TRAPPC9: variants seen among roughly 807,000 people sequenced by gnomAD.
The protein encoded by TRAPPC9 is IKK2 binding protein.
Under a neutral mutation model 124.0 loss-of-function variants are expected in TRAPPC9, and 83 were observed. That is an observed-to-expected ratio of 0.67 (90% CI 0.56 to 0.80). TRAPPC9 has a LOEUF of 0.80. TRAPPC9 is among the 30% of genes least tolerant of loss of function. The pLI is 0.00. For synonymous variants in TRAPPC9, 638 were observed against 617.5 expected, an observed-to-expected ratio of 1.03 and a Z score of -0.49; for missense variants, 1,302 against 1,508.3, an observed-to-expected ratio of 0.86 and a Z score of 2.27.
At chr8:139,743,334 G>A (rs534394010) in intron 21 of TRAPPC9, among the ~76,000 whole-genome samples, 2 of 152,302 alleles carry the variant, frequency 1.3e-5, no homozygotes, top group Admixed American at 1.3e-4. Flanking sequence ...TTTTGCGCTG[G>A]CGAGAAACAG....
At chr8:140,436,780 A>G (rs2070829375) in intron 3 of TRAPPC9, among the ~76,000 whole-genome samples, 1 of 152,220 alleles carries the variant, frequency 6.6e-6, no homozygotes, top group Admixed American at 6.5e-5. Flanking sequence ...AATTGATACA[A>G]TAAGGAGTAC....
chr8:140,009,995 CA>C (rs1168373625), intron 18 of TRAPPC9, among the ~76,000 whole-genome samples: 1 of 152,190 alleles, frequency 6.6e-6, no homozygotes, highest in Non-Finnish European at 1.5e-5. Flanking sequence ...TCCATTGATG[CA>C]AACTTCACTG....
intron 17 of TRAPPC9, among the ~76,000 whole-genome samples, chr8:140,154,929 G>A (rs575080173): frequency 2.6e-5 from 4 of 152,186 alleles, no homozygotes; most frequent in East Asian, 1.9e-4. Flanking sequence ...TCCCTCCTGC[G>A]GGCTCCACTG....
At chr8:139,747,384 G>A (rs1434610675) in intron 21 of TRAPPC9, among the ~76,000 whole-genome samples, 1 of 151,918 alleles carries the variant, frequency 6.6e-6, no homozygotes, top group Non-Finnish European at 1.5e-5. Context: ...AGGAGTACAG[G>A]AGGGTCAGAG....
chr8:140,320,524 A>G (rs1458121075), intron 9 of TRAPPC9, among the ~76,000 whole-genome samples: 1 of 152,142 alleles, frequency 6.6e-6, no homozygotes, highest in Non-Finnish European at 1.5e-5. Flanking sequence ...GCAGACGGGA[A>G]CTCAGGCTCT....
chr8:140,329,416 G>A (rs2066835182), intron 9 of TRAPPC9, among the ~76,000 whole-genome samples: 1 of 152,162 alleles, frequency 6.6e-6, no homozygotes. Context: ...ACAAAGCGAT[G>A]GCTCGTCTCC....
chr8:140,174,043 GA>G (rs1449632157), intron 17 of TRAPPC9, among the ~76,000 whole-genome samples: 1 of 152,200 alleles, frequency 6.6e-6, no homozygotes, highest in Non-Finnish European at 1.5e-5. Context: ...TCATTATTCA[GA>G]AGACATGAGT....
intron 19 of TRAPPC9, among the ~76,000 whole-genome samples, chr8:139,926,610 A>AAT (rs1554674022): frequency 5.3e-5 from 8 of 151,502 alleles, no homozygotes; most frequent in East Asian, 3.9e-4. Context: ...ATTAAAATAA[A>AAT]AAAAAAAAAA....
At chr8:140,228,615 G>T (rs923641793) in intron 16 of TRAPPC9, among the ~76,000 whole-genome samples, 1 of 152,230 alleles carries the variant, frequency 6.6e-6, no homozygotes, top group African/African-American at 2.4e-5. Flanking sequence ...AGTGGGACCA[G>T]ACGTAAAGTC....
intron 21 of TRAPPC9, among the ~76,000 whole-genome samples, chr8:139,879,589 C>A (rs1200802855): frequency 1.3e-5 from 2 of 152,204 alleles, no homozygotes. Context: ...CTCCCCTCCT[C>A]CCAAATGCCC....
chr8:139,856,383 A>G (rs978352111), intron 21 of TRAPPC9, among the ~76,000 whole-genome samples: 1 of 152,104 alleles, frequency 6.6e-6, no homozygotes, highest in African/African-American at 2.4e-5. Context: ...CCAGAAAGCA[A>G]GACCTCAGAC....
intron 5 of TRAPPC9, among the ~76,000 whole-genome samples, chr8:140,411,137 G>C (rs2069693369): frequency 6.6e-6 from 1 of 152,040 alleles, no homozygotes; most frequent in Non-Finnish European, 1.5e-5. Flanking sequence ...CTAGGTACGG[G>C]TTTTGTTAGT....
Position 140,252,956 on chromosome 8 carries a change from AG to A in TRAPPC9, c.2279-28del, listed in dbSNP as rs1563884680. 5.6e-6 allele frequency: 9 copies of A among 1,612,132 alleles called. No homozygotes were observed. Among genetic ancestry groups the A allele is most frequent in the Non-Finnish European group, 7.6e-6 (9 of 1,179,196 alleles). On this transcript the variant is annotated intron_variant, in intron 15 of 22. Coordinates refer to ENST00000438773, the MANE Select transcript of TRAPPC9 (RefSeq NM_001160372.4). The surrounding 1 kb of genome is among the most constrained non-coding windows in gnomAD (Gnocchi z 4.2). ...TGTAATAATAACAATGACAGTGATG[AG>A]GATGCTGTAACTGAGGCAGTATGGG... is the stretch of plus-strand genomic sequence containing the variant.
intron 16 of TRAPPC9, among the ~76,000 whole-genome samples, chr8:140,251,493 TA>T (rs1228241939): frequency 6.6e-6 from 1 of 152,230 alleles, no homozygotes; most frequent in Non-Finnish European, 1.5e-5. Flanking sequence ...GTTAATAATA[TA>T]AAAAGAATAT....
chr8:140,215,479 C>T (rs2063169504), intron 17 of TRAPPC9, among the ~76,000 whole-genome samples: 1 of 151,762 alleles, frequency 6.6e-6, no homozygotes, highest in East Asian at 1.9e-4. Context: ...CCCATCTCTA[C>T]TAAAATACAA....
At chr8:140,164,783 C>T (rs562318429) in intron 17 of TRAPPC9, among the ~76,000 whole-genome samples, 6 of 152,292 alleles carry the variant, frequency 3.9e-5, no homozygotes, top group South Asian at 4.1e-4. Flanking sequence ...AAATCCACCC[C>T]GCCATGTCCT....
intron 19 of TRAPPC9, among the ~76,000 whole-genome samples, chr8:139,917,391 C>G (rs373392808): frequency 2.0e-5 from 3 of 151,714 alleles, no homozygotes; most frequent in African/African-American, 7.3e-5. Flanking sequence ...TGTGTTAGCC[C>G]GGATGGTCTC....
intron 20 of TRAPPC9, among the ~76,000 whole-genome samples, chr8:139,906,627 C>T (rs8180965): frequency 0.65 from 99,193 of 152,136 alleles, 34,414 homozygotes; most frequent in African/African-American, 0.91. Context: ...AGAGGCCACC[C>T]GCAAGTCTGA....
At chr8:139,835,783 A>G (rs529498797) in intron 21 of TRAPPC9, among the ~76,000 whole-genome samples, 2 of 152,260 alleles carry the variant, frequency 1.3e-5, no homozygotes, top group East Asian at 3.9e-4. Context: ...AAAAAAAAAA[A>G]AAGCTTCCCT....
Sources: allele counts gnomAD v4.1 joint callset (sites outside exome capture counted in the v4.1 genomes callset), GRCh38; gene constraint gnomAD v4.1.1; non-coding constraint Gnocchi (gnomAD v3.1); transcripts MANE v1.5; gene names NCBI Gene and HGNC (gene_info 2026-07-23, HGNC 2026-07-21).